The following INSR variants were observed in gnomAD, a reference collection of about 807,000 sequenced individuals.
INSR encodes IR.
INSR carries 67 observed loss-of-function variants against 142.6 expected under a neutral mutation model. The observed-to-expected ratio is 0.47, with a 90% confidence interval of 0.39 to 0.58. The LOEUF (loss-of-function observed/expected upper bound fraction) is 0.58. Among genes scored for constraint, INSR ranks in the 20% least tolerant of loss-of-function variants. The pLI, the probability that INSR is intolerant of heterozygous loss-of-function variation, is 0.00. For synonymous variants in INSR, 756 were observed against 743.1 expected (o/e 1.02, Z -0.28); for missense variants, 1,248 against 1,833.2 (o/e 0.68, Z 5.83).
chr19:7,256,626 T>A (rs1260385268), intron 2 of INSR, among the ~76,000 whole-genome samples: 2 of 151,746 alleles, frequency 1.3e-5, no homozygotes, highest in Non-Finnish European at 2.9e-5. Flanking sequence ...TTAGCCAGCA[T>A]GGTGGTGCGT....
intron 2 of INSR, among the ~76,000 whole-genome samples, chr19:7,223,075 C>G (rs189711319): frequency 6.6e-6 from 1 of 152,002 alleles, no homozygotes; most frequent in Non-Finnish European, 1.5e-5. Context: ...CCCAGCTACT[C>G]GGGAGGCTGA....
chr19:7,209,139 G>A (rs993391976), intron 2 of INSR, among the ~76,000 whole-genome samples: 9 of 151,946 alleles, frequency 5.9e-5, no homozygotes, highest in South Asian at 4.1e-4. Context: ...CAGCCTGGGC[G>A]ACAGAGCAAG....
chr19:7,131,844 C>T (rs1282373523), intron 14 of INSR, among the ~76,000 whole-genome samples: 1 of 151,216 alleles, frequency 6.6e-6, no homozygotes. Context: ...ACTAAAAATA[C>T]AAGAATTAGC....
At chr19:7,144,557 C>T (rs1281814951) in intron 11 of INSR, among the ~76,000 whole-genome samples, 1 of 152,084 alleles carries the variant, frequency 6.6e-6, no homozygotes, top group Non-Finnish European at 1.5e-5. Context: ...GAGTCCGCCA[C>T]CATGCCCAGC....
At chr19:7,217,440 G>C (rs935828444) in intron 2 of INSR, among the ~76,000 whole-genome samples, 3 of 152,178 alleles carry the variant, frequency 2.0e-5, no homozygotes, top group African/African-American at 7.2e-5. Flanking sequence ...CAGGGATTAC[G>C]ATGTGGGCAT....
intron 11 of INSR, among the ~76,000 whole-genome samples, chr19:7,143,624 C>T (rs1489102635): frequency 1.3e-5 from 2 of 152,224 alleles, no homozygotes; most frequent in South Asian, 2.1e-4. Context: ...AAAGGAATCA[C>T]ATCACTCAGG....
In INSR at chr19:7,241,183, T is replaced by G. The variant is rs1294986581; in HGVS notation, c.652+26162A>C. On this transcript the variant is annotated intron_variant, in intron 2 of 21. Transcript: ENST00000302850. ...TCACTTTTTATTTTATTTTGTTTTT[T>G]TTTTTTTTTTTAAGAGATGAGGCCT... Among the ~76,000 whole-genome samples, 511 of 150,764 alleles carry G rather than the reference T, an allele frequency of 3.4e-3. 3 individuals carry two copies. Among genetic ancestry groups the G allele is most frequent in the Admixed American group, 9.2e-3 (139 of 15,158 alleles).
rs1974617569 is a variant in INSR at position 7,192,208 on chromosome 19, AAGG to A, written c.653-7574_653-7572del. On this transcript the variant is annotated intron_variant, in intron 2 of 21. Transcript: ENST00000302850. This position sits in a 1 kb window ranked among gnomAD's most constrained non-coding sequence, Gnocchi z 4.2. ...AAGAAAAAAGAAAGAAAAAGAAAGA[AAGG>A]AGAAAGAAAAGAAAGAGAAAGAAGG... Among the ~76,000 whole-genome samples the A allele has an allele frequency of 6.7e-6, 1 of 148,794 alleles. No homozygotes were observed. Among genetic ancestry groups the A allele is most frequent in the Non-Finnish European group, 1.5e-5 (1 of 66,648 alleles).
intron 3 of INSR, among the ~76,000 whole-genome samples, chr19:7,177,420 A>C (rs1024815230): frequency 3.9e-5 from 6 of 152,188 alleles, no homozygotes; most frequent in Non-Finnish European, 7.4e-5. Context: ...TACATCGCTT[A>C]AGCTTCTTGA....
chr19:7,129,091 C>T (rs868724007), intron 14 of INSR, 137 bp from the exon 15 acceptor site: 5 of 667,796 alleles, frequency 7.5e-6, no homozygotes, highest in Non-Finnish European at 1.1e-5. Flanking sequence ...CTCTGCTGCT[C>T]TTCCACATCC....
intron 2 of INSR, among the ~76,000 whole-genome samples, chr19:7,223,200 A>C (rs1568496853): frequency 6.6e-6 from 1 of 151,986 alleles, no homozygotes; most frequent in Non-Finnish European, 1.5e-5. Flanking sequence ...AACAAACAAA[A>C]AAAACCAACT....
At chr19:7,250,433 GAAGAAAAGAAAGAAGA>G (rs1449834606) in intron 2 of INSR, among the ~76,000 whole-genome samples, 1 of 116,156 alleles carries the variant, frequency 8.6e-6, no homozygotes, top group Non-Finnish European at 1.9e-5. Context: ...AAGGAAGAAA[GAAGAAAAGAAAGAAGA>G]AAGAAAAGGA....
intron 2 of INSR, among the ~76,000 whole-genome samples, chr19:7,266,780 A>G (rs577931998): frequency 6.6e-6 from 1 of 152,320 alleles, no homozygotes; most frequent in East Asian, 1.9e-4. Context: ...ACAACCCCCA[A>G]TAAACTACTC....
At position 7,132,223 on chromosome 19, in the gene INSR, C is replaced by G; in HGVS notation, c.2777G>C (p.Arg926Pro). Residue 926 changes from arginine to proline, a missense_variant, in exon 14 of 22, where the codon CGG becomes CCG. Physicochemically the swap from Arg to Pro is moderately radical, Grantham distance 103. Transcript: ENST00000302850. ...LSPGNYSVRI[R>P]ATSLAGNGSW... Reference sequence around the variant, plus strand: ...GCCGTTGCCCGCAAGGGAGGTGGCCCGGATTCGCACGCTGTAGTTCCCCGG... The same window carrying G: ...GCCGTTGCCCGCAAGGGAGGTGGCCGGGATTCGCACGCTGTAGTTCCCCGG... The G allele has an allele frequency of 6.2e-7, 1 of 1,614,196 alleles. No individual in the cohort carries two copies. The highest frequency in any genetic ancestry group is 1.1e-5 in the South Asian group (1 of 91,084).
intron 9 of INSR, among the ~76,000 whole-genome samples, chr19:7,162,248 G>T (rs1166926711): frequency 6.7e-6 from 1 of 149,372 alleles, no homozygotes; most frequent in Non-Finnish European, 1.5e-5. Context: ...AATCGCTTGC[G>T]CCTGGGAGGC....
In INSR at chr19:7,120,785, C is replaced by A. The variant is rs758264537; in HGVS notation, c.3530-36G>T. The A allele has an allele frequency of 9.3e-6, 15 of 1,609,876 alleles. No individual in the cohort carries two copies. The Admixed American group carries it at 2.5e-4, about 27-fold the overall frequency. ...AAAAGGTTCACACGCTCTTAACCTT[C>A]AGCCTTGGTCCTAGCATCTGCCACC... On this transcript the variant is annotated intron_variant, in intron 19 of 21. Coordinates refer to ENST00000302850, the MANE Select transcript of INSR (RefSeq NM_000208.4).
chr19:7,132,113 T>G, intron 14 of INSR, 45 bp downstream of exon 14: 16 of 1,612,716 alleles, frequency 9.9e-6, no homozygotes, highest in Non-Finnish European at 1.3e-5. Flanking sequence ...CCATGCTCAG[T>G]GCTAAGCACA....
intron 1 of INSR, among the ~76,000 whole-genome samples, chr19:7,281,518 TAAAAATAAAAAAACTAGCCAGGCA>T (rs1968203441): frequency 6.9e-6 from 1 of 144,210 alleles, no homozygotes; most frequent in African/African-American, 2.5e-5. Flanking sequence ...CTGCAAAAAA[TAAAAATAAAAAAACTAGCCAGGCA>T]TGGTGGTGCA....
chr19:7,185,431 T>C (rs1974400128), intron 2 of INSR, among the ~76,000 whole-genome samples: 1 of 152,172 alleles, frequency 6.6e-6, no homozygotes, highest in African/African-American at 2.4e-5. Context: ...ACTGATTGCT[T>C]CAACAGACAT....
Sources: allele counts gnomAD v4.1 joint callset (sites outside exome capture counted in the v4.1 genomes callset), GRCh38; gene constraint gnomAD v4.1.1; non-coding constraint Gnocchi (gnomAD v3.1); transcripts MANE v1.5; gene names NCBI Gene and HGNC (gene_info 2026-07-23, HGNC 2026-07-21).